Variants in ITPRID1 observed in about 807,000 individuals in gnomAD.
ITPRID1 encodes the protein protein ITPRID1.
Under a neutral mutation model 95.4 loss-of-function variants are expected in ITPRID1, and 96 were observed. The observed-to-expected ratio is 1.01, with a 90% CI of 0.85 to 1.19. The LOEUF (loss-of-function observed/expected upper bound fraction) is 1.19. Ranked by LOEUF, ITPRID1 falls within the 50% of genes most tolerant of loss-of-function variation. The pLI is 0.00. For missense variants in ITPRID1, 1,339 were observed against 1,252.9 expected, an observed-to-expected ratio of 1.07 and a Z score of -1.04; for synonymous variants, 510 against 453.6, an observed-to-expected ratio of 1.12 and a Z score of -1.58.
intron 2 of ITPRID1, among the ~76,000 whole-genome samples, chr7:31,550,002 T>A (rs1402200450): frequency 6.6e-6 from 1 of 152,160 alleles, no homozygotes; most frequent in Non-Finnish European, 1.5e-5. Flanking sequence ...AAAAGGAGCA[T>A]GTATGGATGA....
chr7:31,519,616 C>CTATATATA (rs1340353008), intron 1 of ITPRID1, among the ~76,000 whole-genome samples: 7 of 38,476 alleles, frequency 1.8e-4, no homozygotes, highest in African/African-American at 4.9e-4. Flanking sequence ...CTCTCTCTCT[C>CTATATATA]TCTCTATATA....
intron 10 of ITPRID1, among the ~76,000 whole-genome samples, chr7:31,641,854 A>G (rs1329887500): frequency 6.6e-6 from 1 of 152,188 alleles, no homozygotes; most frequent in African/African-American, 2.4e-5. Context: ...TTTAAGGCAT[A>G]TGTGTTTCCT....
At chr7:31,636,054 G>T (rs1162907610) in intron 10 of ITPRID1, among the ~76,000 whole-genome samples, 1 of 152,292 alleles carries the variant, frequency 6.6e-6, no homozygotes, top group Middle Eastern at 3.4e-3. Context: ...GCAGGAGAGA[G>T]AATGAGAGCT....
chr7:31,623,595 G>A (rs1788139673), intron 10 of ITPRID1, among the ~76,000 whole-genome samples: 1 of 149,330 alleles, frequency 6.7e-6, no homozygotes. Flanking sequence ...GGTATTGATG[G>A]GACGTATCTC....
intron 1 of ITPRID1, 64 bp from the exon 2 acceptor site, chr7:31,549,362 G>A: frequency 8.3e-7 from 1 of 1,202,002 alleles, no homozygotes; most frequent in South Asian, 2.3e-5. Context: ...AAACTAACAG[G>A]GTCAAGTTTA....
intron 6 of ITPRID1, among the ~76,000 whole-genome samples, chr7:31,571,605 A>G (rs1178988905): frequency 6.6e-6 from 1 of 152,206 alleles, no homozygotes; most frequent in Non-Finnish European, 1.5e-5. Context: ...TTTCCATAGT[A>G]AAGGAGTTTG....
At chr7:31,620,619 T>G (rs1787771146) in intron 10 of ITPRID1, among the ~76,000 whole-genome samples, 1 of 150,026 alleles carries the variant, frequency 6.7e-6, no homozygotes, top group South Asian at 2.1e-4. Flanking sequence ...TACATCACCA[T>G]CATCAAAGAC....
At position 31,553,198 on chromosome 7, in the gene ITPRID1, C is replaced by A. The variant is rs1784342252; in HGVS notation, c.163+11C>A. ...CCATCCCCATGCTGGGTGAGAAGGA[C>A]TCTCAGGCCTATTTGAAAACATTCC... is the stretch of plus-strand genomic sequence containing the variant. On this transcript the variant is annotated intron_variant, in intron 3 of 14. Transcript: ENST00000615280. 1 of 1,558,684 alleles carries A rather than the reference C, an allele frequency of 6.4e-7. No homozygotes were observed. The highest frequency in any genetic ancestry group is 1.2e-5 in the South Asian group (1 of 84,176).
chr7:31,546,864 A>T (rs1032766800), intron 1 of ITPRID1, among the ~76,000 whole-genome samples: 2 of 152,106 alleles, frequency 1.3e-5, no homozygotes, highest in African/African-American at 2.4e-5. Flanking sequence ...ACACTCATAT[A>T]GGGAGGCATG....
At chr7:31,574,845 T>C in intron 8 of ITPRID1, 103 bp downstream of exon 8, 2 of 958,096 alleles carry the variant, frequency 2.1e-6, no homozygotes, top group East Asian at 5.2e-5. Context: ...ATGCAAACCC[T>C]CTATTACAGT....
intron 1 of ITPRID1, among the ~76,000 whole-genome samples, chr7:31,523,209 C>T (rs558811915): frequency 3.5e-4 from 54 of 152,254 alleles, no homozygotes; most frequent in African/African-American, 1.2e-3. Flanking sequence ...TTTGCTAAAT[C>T]GCAGACAAAA....
At chr7:31,615,045 T>TATAGTAATTTTCTTAAAGAGAATA (rs1413463539) in intron 10 of ITPRID1, among the ~76,000 whole-genome samples, 5 of 152,188 alleles carry the variant, frequency 3.3e-5, no homozygotes, top group Non-Finnish European at 5.9e-5. Flanking sequence ...AGTTTAATTT[T>TATAGTAATTTTCTTAAAGAGAATA]ATAGTAATTT....
At chr7:31,534,475 C>T (rs187041985) in intron 1 of ITPRID1, among the ~76,000 whole-genome samples, 1 of 152,212 alleles carries the variant, frequency 6.6e-6, no homozygotes, top group Non-Finnish European at 1.5e-5. Flanking sequence ...AAGATTGAGT[C>T]TTCTTGATTT....
intron 1 of ITPRID1, among the ~76,000 whole-genome samples, chr7:31,530,241 T>A (rs1002181433): frequency 6.6e-6 from 1 of 152,200 alleles, no homozygotes; most frequent in African/African-American, 2.4e-5. Context: ...TTCTTTGTAC[T>A]TAGGACTTTT....
intron 10 of ITPRID1, among the ~76,000 whole-genome samples, chr7:31,584,243 A>T (rs1198237132): frequency 1.3e-5 from 2 of 152,198 alleles, no homozygotes; most frequent in Non-Finnish European, 2.9e-5. Context: ...GCTGTGTCAA[A>T]CACATCTTTT....
At position 31,579,180 on chromosome 7, in the gene ITPRID1, G is replaced by GT. The variant is rs940083549; in HGVS notation, c.1170+755dup. Reference sequence around the variant, plus strand: ...TCTCACTTGTACTTCTCAGAGTTGGGTTTTTTTTTCTTTTCAAAAAATACG... The same window carrying GT: ...TCTCACTTGTACTTCTCAGAGTTGGGTTTTTTTTTTCTTTTCAAAAAATACG... On this transcript the variant is annotated intron_variant, in intron 9 of 14. Coordinates refer to ENST00000615280, the MANE Select transcript of ITPRID1 (RefSeq NM_001257967.3). Among the ~76,000 whole-genome samples the GT allele has an allele frequency of 8.6e-5, 13 of 150,758 alleles. No homozygotes were observed. The East Asian group carries it at 1.2e-3, about 14-fold the overall frequency.
chr7:31,654,196 A>G lies in ITPRID1; in HGVS notation c.*1367A>G, dbSNP rs1791179237. ...GGGTGCCTGTGGAAGGCCTTGCTAA[A>G]GGGAAGGCTATTTGGGTAAGACTTG... On this transcript the variant is annotated 3_prime_UTR_variant, in exon 15 of 15. Transcript: ENST00000615280. Among the ~76,000 whole-genome samples the G allele has an allele frequency of 6.6e-6, 1 of 152,210 alleles. No homozygotes were observed. Among genetic ancestry groups the G allele is most frequent in the Non-Finnish European group, 1.5e-5 (1 of 68,042 alleles).
intron 12 of ITPRID1, among the ~76,000 whole-genome samples, chr7:31,644,332 C>G (rs560003947): frequency 6.6e-6 from 1 of 152,282 alleles, no homozygotes; most frequent in South Asian, 2.1e-4. Flanking sequence ...TAATCTTGCA[C>G]AAGCCATTTA....
At chr7:31,588,315 C>T (rs1002685177) in intron 10 of ITPRID1, among the ~76,000 whole-genome samples, 3 of 151,970 alleles carry the variant, frequency 2.0e-5, no homozygotes, top group Non-Finnish European at 2.9e-5. Context: ...CCAGTTGACA[C>T]CATCCTAAAA....
Sources: gnomAD v4.1 joint callset for allele counts (sites outside exome capture counted in the v4.1 genomes callset) on GRCh38, gnomAD v4.1.1 for gene constraint, MANE v1.5 for transcripts, NCBI Gene and HGNC (gene_info 2026-07-23, HGNC 2026-07-21) for gene names.